The following PRRC2B variants were observed in gnomAD, a reference collection of about 807,000 sequenced individuals.
The protein encoded by PRRC2B is proline rich coiled-coil 2B.
PRRC2B carries 68 observed loss-of-function variants against 242.3 expected under a neutral mutation model. The observed-to-expected ratio is 0.28, with a 90% CI of 0.23 to 0.34. The LOEUF is 0.34. Ranked by LOEUF, PRRC2B falls within the 10% of genes least tolerant of loss-of-function variation. The pLI is 1.00. For missense variants in PRRC2B, 2,835 were observed against 2,954.8 expected (o/e 0.96, Z 0.94); for synonymous variants, 1,228 against 1,173.6 (o/e 1.05, Z -0.95).
In PRRC2B at chr9:131,394,132, A is replaced by AGGAG. The variant is rs1251723193; in HGVS notation, c.-174_-171dup. The AGGAG allele has an allele frequency of 2.0e-5, 3 of 148,414 alleles. No individual in the cohort carries two copies. The highest frequency in any genetic ancestry group is 1.8e-4 in the South Asian group (1 of 5,590). The allele number at this position is 148,414 out of a possible 1,614,324, so 9.2% of individuals were successfully genotyped here. On this transcript the variant is annotated 5_prime_UTR_variant, in exon 1 of 32. Coordinates refer to ENST00000683519, the MANE Select transcript of PRRC2B (RefSeq NM_013318.4). ...CCGCGCAGCGACGAGCGAGCCCGGG[A>AGGAG]GGAGGGAGGGAGCGAGCGAGCGAGC... is the stretch of plus-strand genomic sequence containing the variant.
chr9:131,441,600 A>G (rs1401360758), intron 5 of PRRC2B, among the ~76,000 whole-genome samples: 1 of 152,230 alleles, frequency 6.6e-6, no homozygotes, highest in Non-Finnish European at 1.5e-5. Flanking sequence ...CACACTGGGC[A>G]GGGTGGGGGC....
intron 26 of PRRC2B, 29 bp downstream of exon 26, chr9:131,486,211 TG>T: frequency 6.9e-7 from 1 of 1,448,642 alleles, no homozygotes; most frequent in Non-Finnish European, 9.6e-7. Flanking sequence ...GTGGCCTGGC[TG>T]GGGGTGGTGG....
chr9:131,391,381 C>T (rs989138965), upstream of PRRC2B, among the ~76,000 whole-genome samples: 3 of 152,074 alleles, frequency 2.0e-5, no homozygotes, highest in Non-Finnish European at 4.4e-5. Context: ...ACATCTTCTC[C>T]GACTCCGACC....
At chr9:131,430,550 G>GGT (rs759350366) in intron 2 of PRRC2B, among the ~76,000 whole-genome samples, 378 of 82,664 alleles carry the variant, frequency 4.6e-3, no homozygotes, top group African/African-American at 0.014. Context: ...GATATCTATA[G>GGT]GTGTGTGTGT....
intron 16 of PRRC2B, 104 bp from the exon 17 acceptor site, chr9:131,477,640 G>A (rs1306117111): frequency 1.8e-5 from 12 of 683,510 alleles, no homozygotes; most frequent in Non-Finnish European, 3.0e-5. Flanking sequence ...GCTAGAGGAA[G>A]TGGGCCTAGA....
intron 1 of PRRC2B, among the ~76,000 whole-genome samples, chr9:131,421,465 C>T (rs1837838036): frequency 6.6e-6 from 1 of 152,240 alleles, no homozygotes; most frequent in Admixed American, 6.5e-5. Flanking sequence ...CACATTGTTA[C>T]TTCCTGAAGC....
At position 131,482,814 on chromosome 9, in the gene PRRC2B, G is replaced by A. The variant is rs1424466606; in HGVS notation, c.5280G>A (p.Leu1760=). The change falls in exon 22 of 32, where the codon CTG becomes CTA. Residue 1760 remains leucine, a synonymous_variant. Transcript: ENST00000683519. This position sits in a 1 kb window ranked among gnomAD's most constrained non-coding sequence, Gnocchi z 5.2. ...NRKGSEGAER[L]QGAVVPPVNG... ...AGGGCTCGGAGGGGGCCGAGCGGCTGCAAGGGGCTGTCGTCCCGCCTGTTA... is the reference window on the plus strand; with the variant it reads ...AGGGCTCGGAGGGGGCCGAGCGGCTACAAGGGGCTGTCGTCCCGCCTGTTA... The A allele has an allele frequency of 3.1e-6, 5 of 1,609,622 alleles. No individual in the cohort carries two copies. The highest frequency in any genetic ancestry group is 1.7e-4 in the Middle Eastern group (1 of 6,048).
chr9:131,474,362 T>C (rs1943628801), intron 15 of PRRC2B, 92 bp from the exon 16 acceptor site: 1 of 1,147,656 alleles, frequency 8.7e-7, no homozygotes, highest in Non-Finnish European at 1.2e-6. Context: ...TTTGTTTTTG[T>C]TTTTTCTTTT....
chr9:131,473,668 C>T lies in PRRC2B; in HGVS notation c.2268C>T (p.Gly756=). 1.2e-6 allele frequency: 2 copies of T among 1,613,828 alleles called. No homozygotes were observed. The highest frequency in any genetic ancestry group is 1.7e-5 in the Admixed American group (1 of 60,016). ...PEGYMALQSK[G]YPLPHPKSSD... ...GCTACATGGCACTGCAGAGCAAGGG[C>T]TACCCGCTCCCGCACCCGAAGTCGA... The change falls in exon 15 of 32, where the codon GGC becomes GGT. Residue 756 remains glycine (G), a synonymous_variant. Transcript: ENST00000683519.
At position 131,446,680 on chromosome 9, in the gene PRRC2B, G is replaced by A. The variant is rs199982264; in HGVS notation, c.855+38G>A. On this transcript the variant is annotated intron_variant, in intron 7 of 31. Coordinates refer to ENST00000683519, the MANE Select transcript of PRRC2B (RefSeq NM_013318.4). This position sits in a 1 kb window ranked among gnomAD's most constrained non-coding sequence, Gnocchi z 4.1. ...AGTGTACTTTTTTTCCCCCCATGAAGTTGGATTGTGTCCAGCAGATAGGTC... is the reference window on the plus strand; with the variant it reads ...AGTGTACTTTTTTTCCCCCCATGAAATTGGATTGTGTCCAGCAGATAGGTC... 1.2e-6 allele frequency: 2 copies of A among 1,608,138 alleles called. No homozygotes were observed. The highest frequency in any genetic ancestry group is 1.7e-5 in the Admixed American group (1 of 59,790).
At chr9:131,424,081 G>A (rs2994043) in intron 1 of PRRC2B, among the ~76,000 whole-genome samples, 147,674 of 152,258 alleles carry the variant, frequency 0.97, 71,770 homozygotes, top group East Asian at 1. Context: ...GATTACAGGC[G>A]TGCATCACCA....
upstream of PRRC2B, among the ~76,000 whole-genome samples, chr9:131,392,333 A>G (rs1836912885): frequency 6.6e-6 from 1 of 150,968 alleles, no homozygotes; most frequent in African/African-American, 2.4e-5. Flanking sequence ...TCCTGACCGC[A>G]TGATCCACCT....
At chr9:131,394,959 GGT>G (rs200774829) in intron 1 of PRRC2B, among the ~76,000 whole-genome samples, 5,871 of 146,798 alleles carry the variant, frequency 0.04, 209 homozygotes, top group African/African-American at 0.082. Flanking sequence ...TGCCAGATGG[GGT>G]TTTTTTTTTT....
intron 14 of PRRC2B, among the ~76,000 whole-genome samples, chr9:131,472,094 A>T (rs958023345): frequency 3.9e-5 from 6 of 152,048 alleles, no homozygotes; most frequent in African/African-American, 7.2e-5. Context: ...TTCTATCTTT[A>T]TTGCCTACTT....
At chr9:131,416,015 T>G (rs113862916) in intron 1 of PRRC2B, among the ~76,000 whole-genome samples, 4 of 152,092 alleles carry the variant, frequency 2.6e-5, no homozygotes, top group African/African-American at 9.7e-5. Context: ...GGTTAATCCT[T>G]TGATTTTGGG....
At chr9:131,409,664 G>A (rs556717873) in intron 1 of PRRC2B, among the ~76,000 whole-genome samples, 7 of 152,302 alleles carry the variant, frequency 4.6e-5, no homozygotes, top group East Asian at 1.9e-4. Context: ...CAAACTTACC[G>A]TGAGGTAAGA....
Position 131,446,780 on chromosome 9 carries a change from AT to A in PRRC2B, c.855+142del, listed in dbSNP as rs920288380. On this transcript the variant is annotated intron_variant, in intron 7 of 31. Coordinates refer to ENST00000683519, the MANE Select transcript of PRRC2B (RefSeq NM_013318.4). The surrounding 1 kb of genome is among the most constrained non-coding windows in gnomAD (Gnocchi z 4.1). ...CTTCTGAGGCTTCCACTCGTTTTGCATTTTCTCTCCCTGCTTTTTAAATCTT... is the reference window on the plus strand; with the variant it reads ...CTTCTGAGGCTTCCACTCGTTTTGCATTTCTCTCCCTGCTTTTTAAATCTT... 1 of 1,025,088 alleles carries A rather than the reference AT, an allele frequency of 9.8e-7. No homozygotes were observed. Among genetic ancestry groups the A allele is most frequent in the African/African-American group, 1.6e-5 (1 of 61,742 alleles). 63.5% of individuals were successfully genotyped at this position (1,025,088 alleles called of 1,614,324 possible).
Position 131,495,914 on chromosome 9 carries a change from G to C in PRRC2B, c.*40G>C. 6.3e-7 allele frequency: 1 copy of C among 1,583,940 alleles called. No homozygotes were observed. Among genetic ancestry groups the C allele is most frequent in the Middle Eastern group, 1.8e-4 (1 of 5,564 alleles). ...CACCTCGCCTCTCCCTACTGAGGAC[G>C]GTGCCGCCATGCGGCCTCGACACAG... On this transcript the variant is annotated 3_prime_UTR_variant, in exon 32 of 32. Transcript: ENST00000683519.
At position 131,379,904 on chromosome 9, in the gene PRRC2B, G is replaced by A. The variant is rs565327077; in HGVS notation, c.-56+6173G>A. ...CTCCCAAAGTGCTGGGATTACAGGC[G>A]TCAGCTACCGCACCCAGCCAGCCTT... On this transcript the variant is annotated intron_variant, in intron 1 of 1. Transcript: ENST00000682525. 5.3e-4 allele frequency among the ~76,000 whole-genome samples: 80 copies of A among 150,932 alleles called. 1 individual carries two copies. The highest frequency in any genetic ancestry group is 3.3e-3 in the South Asian group (16 of 4,802).
Sources: gnomAD v4.1 joint callset for allele counts (sites outside exome capture counted in the v4.1 genomes callset) on GRCh38, gnomAD v4.1.1 for gene constraint, Gnocchi (gnomAD v3.1) non-coding constraint, MANE v1.5 for transcripts, NCBI Gene and HGNC (gene_info 2026-07-23, HGNC 2026-07-21) for gene names.